The following CACNA1A variants were observed in gnomAD, a reference collection of about 807,000 sequenced individuals.
CACNA1A encodes voltage-dependent P/Q-type calcium channel subunit alpha-1A.
A neutral mutation model predicts 262.4 loss-of-function variants in CACNA1A; 57 were observed. The ratio of observed to expected loss-of-function variants is 0.22; its 90% confidence interval spans 0.18 to 0.27. The LOEUF is 0.27. CACNA1A is among the 10% of genes least tolerant of loss of function. The probability of loss-of-function intolerance (pLI) is 1.00; values close to 1 mark genes in which losing one functional copy is unlikely to be tolerated. For synonymous variants in CACNA1A, 1,431 were observed against 1,419.3 expected, an observed-to-expected ratio of 1.01 and a Z score of -0.18; for missense variants, 2,526 against 3,562.8, an observed-to-expected ratio of 0.71 and a Z score of 7.41.
At chr19:13,316,478 T>G (rs1018603310) in intron 11 of CACNA1A, 1 of 149,280 alleles carries the variant, frequency 6.7e-6, no homozygotes, top group Non-Finnish European at 1.5e-5. Flanking sequence ...CTGGAGGGGA[T>G]GTTCTATGAA....
Position 13,241,702 on chromosome 19 carries a change from T to C in CACNA1A, c.4950+3480A>G, listed in dbSNP as rs988116344. On this transcript the variant is annotated intron_variant, in intron 31 of 46. Transcript: ENST00000360228. The surrounding 1 kb of genome is among the most constrained non-coding windows in gnomAD (Gnocchi z 4.0). ...GGTTGGGAGATAAGTCATTGGTGTA[T>C]GAACACACAGACCATGTCATGGATG... Among the ~76,000 whole-genome samples the C allele has an allele frequency of 2.0e-5, 3 of 152,114 alleles. No homozygotes were observed. Among genetic ancestry groups the C allele is most frequent in the African/African-American group, 7.2e-5 (3 of 41,406 alleles).
intron 1 of CACNA1A, among the ~76,000 whole-genome samples, chr19:13,488,389 TC>T (rs1980301178): frequency 2.1e-5 from 3 of 139,586 alleles, no homozygotes; most frequent in Admixed American, 1.4e-4. Flanking sequence ...CTTTTTCTTT[TC>T]TTTTTTTTTT....
intron 3 of CACNA1A, among the ~76,000 whole-genome samples, chr19:13,423,760 C>T (rs1451755132): frequency 6.6e-6 from 1 of 152,098 alleles, no homozygotes; most frequent in African/African-American, 2.4e-5. Flanking sequence ...AGTGATCCAC[C>T]TGCCTCAGCC....
chr19:13,209,447 T>TG lies in CACNA1A; in HGVS notation c.6390dup (p.Lys2131GlnfsTer34). 1 of 1,375,972 alleles carries TG rather than the reference T, an allele frequency of 7.3e-7. No homozygotes were observed. 85.2% of individuals were successfully genotyped at this position (1,375,972 alleles called of 1,614,324 possible). ...GAGTAATCGTCCAGGCGTCGGGCCT[T>TG]GGGGCCCAGCACGGAGGCTGAACGC... is the stretch of plus-strand genomic sequence containing the variant. On this transcript the variant is annotated frameshift_variant, in exon 45 of 47. Coordinates refer to ENST00000360228, the MANE Select transcript of CACNA1A (RefSeq NM_001127222.2). LOFTEE classifies it high-confidence loss of function.
intron 22 of CACNA1A, among the ~76,000 whole-genome samples, chr19:13,279,063 C>T (rs954193835): frequency 3.9e-5 from 6 of 151,960 alleles, no homozygotes; most frequent in African/African-American, 7.3e-5. Context: ...CTCCCTGGCT[C>T]GCTCAGTACC....
intron 3 of CACNA1A, among the ~76,000 whole-genome samples, chr19:13,404,189 T>TACAC (rs374169413): frequency 9.9e-5 from 15 of 150,970 alleles, no homozygotes; most frequent in African/African-American, 2.4e-4. Context: ...TATACACATA[T>TACAC]ACACACACAC....
chr19:13,306,455 T>C (rs1249505063), intron 15 of CACNA1A: 1 of 152,190 alleles, frequency 6.6e-6, no homozygotes, highest in East Asian at 1.9e-4. Context: ...ACTCCTGGGC[T>C]CAAGCAATCC....
chr19:13,279,497 T>A (rs1481668810), intron 22 of CACNA1A, among the ~76,000 whole-genome samples: 2 of 152,140 alleles, frequency 1.3e-5, no homozygotes, highest in African/African-American at 4.8e-5. Context: ...TTTTTTAATT[T>A]TTTTTTGAGA....
chr19:13,280,940 C>CAAAAA (rs59445149), intron 22 of CACNA1A, among the ~76,000 whole-genome samples: 4 of 82,330 alleles, frequency 4.9e-5, no homozygotes, highest in East Asian at 3.0e-4. Flanking sequence ...GACTCCATCT[C>CAAAAA]AAAAAAAAAA....
chr19:13,482,558 G>GA (rs1318953053), intron 1 of CACNA1A, among the ~76,000 whole-genome samples: 1 of 151,838 alleles, frequency 6.6e-6, no homozygotes, highest in African/African-American at 2.4e-5. Context: ...TTCACTTTGT[G>GA]AAAAAGACAA....
intron 10 of CACNA1A, among the ~76,000 whole-genome samples, chr19:13,324,766 T>C (rs1249027207): frequency 3.3e-5 from 5 of 152,008 alleles, no homozygotes; most frequent in African/African-American, 1.2e-4. Flanking sequence ...CCCAGCTACT[T>C]GGGAGGCTAA....
At chr19:13,298,483 T>A (rs1050635793) in intron 19 of CACNA1A, 61 bp downstream of exon 19, 14 of 1,391,728 alleles carry the variant, frequency 1.0e-5, no homozygotes, top group Non-Finnish European at 1.4e-5. Context: ...ACGTGCTACT[T>A]TGGCTGTTGT....
chr19:13,298,358 T>C (rs900085851), intron 19 of CACNA1A, among the ~76,000 whole-genome samples, 186 bp downstream of exon 19: 17 of 148,060 alleles, frequency 1.1e-4, no homozygotes, highest in Non-Finnish European at 2.5e-4. Context: ...CTTGAACTCC[T>C]GACCTCGTGA....
intron 44 of CACNA1A, among the ~76,000 whole-genome samples, chr19:13,210,158 GAC>G (rs1160548545): frequency 1.3e-5 from 2 of 152,200 alleles, no homozygotes; most frequent in Non-Finnish European, 2.9e-5. Flanking sequence ...GTCAAGCCCT[GAC>G]ACACAGGTTT....
intron 6 of CACNA1A, among the ~76,000 whole-genome samples, chr19:13,342,415 G>A (rs752277658): frequency 6.6e-6 from 1 of 152,184 alleles, no homozygotes; most frequent in African/African-American, 2.4e-5. Context: ...GAAGGAGAGT[G>A]GGGGAGGATG....
At chr19:13,501,946 G>A (rs563631700) in intron 1 of CACNA1A, among the ~76,000 whole-genome samples, 10 of 152,188 alleles carry the variant, frequency 6.6e-5, no homozygotes, top group East Asian at 1.9e-4. Flanking sequence ...TGGAAAAGCC[G>A]TGCTAAATTT....
intron 3 of CACNA1A, among the ~76,000 whole-genome samples, chr19:13,412,867 T>C (rs1177658702): frequency 6.6e-6 from 1 of 152,214 alleles, no homozygotes; most frequent in Non-Finnish European, 1.5e-5. Context: ...TTAAAAAGAT[T>C]TGAAGACTAC....
Position 13,365,485 on chromosome 19 carries a change from G to C in CACNA1A, c.632-16C>G. On this transcript the variant is annotated splice_polypyrimidine_tract_variant and intron_variant, in intron 4 of 46. Coordinates refer to ENST00000360228, the MANE Select transcript of CACNA1A (RefSeq NM_001127222.2). ...ACTTGTAAACCTGGGGGGACACAGA[G>C]AGAGGCCCCATAAGCCCATGAGCAA... 6.2e-7 allele frequency: 1 copy of C among 1,612,258 alleles called. No homozygotes were observed. Among genetic ancestry groups the C allele is most frequent in the South Asian group, 1.1e-5 (1 of 90,908 alleles).
rs1568623935 is a variant in CACNA1A, at chr19:13,415,775, T to TGG, written c.539+37100_539+37101insCC. Reference sequence around the variant, plus strand: ...AAAAAAAAAAAAAAAAAAAAAAAAGTAGATGGGGCCTCAGAATTCACTGAG... The same window carrying TGG: ...AAAAAAAAAAAAAAAAAAAAAAAAGTGGAGATGGGGCCTCAGAATTCACTGAG... On this transcript the variant is annotated intron_variant, in intron 3 of 46. Coordinates refer to ENST00000360228, the MANE Select transcript of CACNA1A (RefSeq NM_001127222.2). 1.1e-4 allele frequency among the ~76,000 whole-genome samples: 9 copies of TGG among 83,810 alleles called. No homozygotes were observed. The East Asian group carries it at 2.6e-3, about 24-fold the overall frequency. The allele number at this position is 83,810 out of a possible 152,430, so 55.0% of individuals were successfully genotyped here. A position where few individuals can be genotyped will look rare whatever the true frequency, so the allele number is the denominator to read the frequency against.
Sources: allele counts gnomAD v4.1 joint callset (sites outside exome capture counted in the v4.1 genomes callset), GRCh38; gene constraint gnomAD v4.1.1; non-coding constraint Gnocchi (gnomAD v3.1); transcripts MANE v1.5; gene names NCBI Gene and HGNC (gene_info 2026-07-23, HGNC 2026-07-21).